Variants in PPP1R9A observed in about 807,000 individuals in gnomAD.
PPP1R9A encodes protein phosphatase 1 regulatory subunit 9A.
In PPP1R9A, 59 loss-of-function variants were observed where a neutral mutation model predicts 141.9. The ratio of observed to expected loss-of-function variants is 0.42; its 90% CI spans 0.34 to 0.52. The LOEUF (loss-of-function observed/expected upper bound fraction) is 0.52. PPP1R9A is among the 20% of genes least tolerant of loss of function. The pLI is 0.10. For synonymous variants in PPP1R9A, 500 were observed against 569.7 expected (o/e 0.88, Z 1.74); for missense variants, 1,444 against 1,611.9 (o/e 0.90, Z 1.78).
chr7:95,095,026 A>G (rs1208121894), intron 2 of PPP1R9A, among the ~76,000 whole-genome samples: 2 of 152,100 alleles, frequency 1.3e-5, no homozygotes, highest in Non-Finnish European at 2.9e-5. Flanking sequence ...TTGTCCTCAA[A>G]CATGAGAAAC....
intron 2 of PPP1R9A, among the ~76,000 whole-genome samples, chr7:95,017,188 A>G (rs1805227113): frequency 1.3e-5 from 2 of 152,154 alleles, no homozygotes; most frequent in South Asian, 4.1e-4. Context: ...CTAGAACTGC[A>G]AGATAATAAA....
At position 95,084,000 on chromosome 7, in the gene PPP1R9A, A is replaced by G. The variant is rs186294878; in HGVS notation, c.1396-27259A>G. On this transcript the variant is annotated intron_variant, in intron 2 of 19. Coordinates refer to ENST00000433360, the MANE Select transcript of PPP1R9A (RefSeq NM_001166160.2). ...ACATTGCACAGAAAGGAATAAAAAT[A>G]AAGACGACAGCAGATTTCTTATCAG... Among the ~76,000 whole-genome samples the G allele has an allele frequency of 1.6e-4, 24 of 152,214 alleles. No homozygotes were observed. In the East Asian group the frequency reaches 4.2e-3, roughly 27 times the overall value.
At chr7:95,015,281 T>C (rs1804955065) in intron 2 of PPP1R9A, among the ~76,000 whole-genome samples, 1 of 151,932 alleles carries the variant, frequency 6.6e-6, no homozygotes, top group Admixed American at 6.6e-5. Flanking sequence ...TATATATCTG[T>C]TTCTGTGTTG....
At chr7:95,159,369 C>T (rs1314560498) in intron 4 of PPP1R9A, among the ~76,000 whole-genome samples, 1 of 152,004 alleles carries the variant, frequency 6.6e-6, no homozygotes, top group Non-Finnish European at 1.5e-5. Flanking sequence ...TATATAGATC[C>T]TGTTTCAAAA....
chr7:95,058,968 T>G (rs1455471135), intron 2 of PPP1R9A, among the ~76,000 whole-genome samples: 1 of 152,074 alleles, frequency 6.6e-6, no homozygotes, highest in Non-Finnish European at 1.5e-5. Context: ...TTTTGTATTT[T>G]TAGTGGAGAC....
At chr7:95,017,645 A>G (rs1805292387) in intron 2 of PPP1R9A, among the ~76,000 whole-genome samples, 1 of 152,210 alleles carries the variant, frequency 6.6e-6, no homozygotes, top group Non-Finnish European at 1.5e-5. Context: ...AGGACCTGGA[A>G]TAACCAAAGA....
chr7:95,149,971 T>C (rs1828353751), intron 4 of PPP1R9A, among the ~76,000 whole-genome samples: 2 of 152,048 alleles, frequency 1.3e-5, no homozygotes, highest in Admixed American at 1.3e-4. Flanking sequence ...AAAGCTTCAG[T>C]AATCAAGACT....
rs796251243 is a variant in PPP1R9A, at chr7:95,024,018, T to A, written c.1396-87241T>A. On this transcript the variant is annotated intron_variant, in intron 2 of 19. Coordinates refer to ENST00000433360, the MANE Select transcript of PPP1R9A (RefSeq NM_001166160.2). ...TTTTCATTGGTTTCGAAGAAATGTT[T>A]TCTGCCCTAATTTCTTTGTTTACCC... Among the ~76,000 whole-genome samples, 149 of 152,332 alleles carry A rather than the reference T, an allele frequency of 9.8e-4. 1 individual carries two copies. Among genetic ancestry groups the A allele is most frequent in the African/African-American group, 3.4e-3 (143 of 41,578 alleles).
chr7:95,286,353 G>C (rs767576579), intron 18 of PPP1R9A, 28 bp downstream of exon 18: 3 of 1,608,702 alleles, frequency 1.9e-6, no homozygotes, highest in Admixed American at 1.7e-5. Flanking sequence ...TGACAGAGCT[G>C]CTTTGTCAAA....
In PPP1R9A at chr7:95,069,444, AAGG is replaced by A. The variant is rs200388815; in HGVS notation, c.1396-41809_1396-41807del. Among the ~76,000 whole-genome samples the A allele has an allele frequency of 7.4e-4, 112 of 152,134 alleles. 2 individuals carry two copies. In the East Asian group the frequency reaches 0.018, roughly 25 times the overall value. ...GGGCAGTTAAAATGGAAGGAGAGGGAAGGAGGAGTATAGGTTGGGTTTGAAGTA... is the reference window on the plus strand; with the variant it reads ...GGGCAGTTAAAATGGAAGGAGAGGGAAGGAGTATAGGTTGGGTTTGAAGTA... On this transcript the variant is annotated intron_variant, in intron 2 of 19. Transcript: ENST00000433360.
intron 8 of PPP1R9A, among the ~76,000 whole-genome samples, chr7:95,233,541 A>G (rs929345242): frequency 1.3e-5 from 2 of 151,980 alleles, no homozygotes; most frequent in Admixed American, 6.6e-5. Context: ...AATGTAAAAA[A>G]TTGCCAACAA....
intron 2 of PPP1R9A, among the ~76,000 whole-genome samples, chr7:94,995,204 A>C (rs2151465292): frequency 6.6e-6 from 1 of 152,158 alleles, no homozygotes; most frequent in Non-Finnish European, 1.5e-5. Flanking sequence ...ATGGCCTCTC[A>C]TCCTCATCTT....
chr7:95,173,465 A>AT (rs1215140300), intron 5 of PPP1R9A, among the ~76,000 whole-genome samples: 1 of 151,956 alleles, frequency 6.6e-6, no homozygotes. Flanking sequence ...CAATTTAAAA[A>AT]TTTTTTTAGG....
At chr7:94,978,304 A>C (rs1389557656) in intron 2 of PPP1R9A, among the ~76,000 whole-genome samples, 1 of 152,246 alleles carries the variant, frequency 6.6e-6, no homozygotes, top group Non-Finnish European at 1.5e-5. Flanking sequence ...AATTATGGCT[A>C]TCTACTAAAT....
chr7:95,111,703 C>T (rs1426140700), intron 3 of PPP1R9A, among the ~76,000 whole-genome samples: 2 of 152,054 alleles, frequency 1.3e-5, no homozygotes, highest in African/African-American at 2.4e-5. Flanking sequence ...CCAGAAAGAG[C>T]TGGTATATGA....
chr7:95,230,510 A>G (rs1364672094), intron 8 of PPP1R9A, among the ~76,000 whole-genome samples: 1 of 152,088 alleles, frequency 6.6e-6, no homozygotes, highest in African/African-American at 2.4e-5. Flanking sequence ...CACAAATGCA[A>G]AATGCACTGG....
chr7:95,251,878 A>G lies in PPP1R9A; in HGVS notation c.2493+20A>G. 1.2e-6 allele frequency: 2 copies of G among 1,612,124 alleles called. No homozygotes were observed. The highest frequency in any genetic ancestry group is 2.2e-5 in the South Asian group (2 of 90,786). ...GTGCGGGTAAGTTGTGTTCCCTAAG[A>G]CACTAAATAATAAGATGGTTTTGCT... On this transcript the variant is annotated intron_variant, in intron 11 of 19. Transcript: ENST00000433360.
chr7:95,159,631 A>G (rs1177396854), intron 4 of PPP1R9A, among the ~76,000 whole-genome samples: 1 of 152,132 alleles, frequency 6.6e-6, no homozygotes, highest in African/African-American at 2.4e-5. Flanking sequence ...CTTTAGAAAA[A>G]ATATGACTCG....
chr7:95,073,937 AT>A (rs199744830), intron 2 of PPP1R9A, among the ~76,000 whole-genome samples: 3,690 of 152,210 alleles, frequency 0.024, 164 homozygotes, highest in African/African-American at 0.085. Context: ...CACACACGCT[AT>A]TAGGCAACAT....
Sources: allele counts gnomAD v4.1 joint callset (sites outside exome capture counted in the v4.1 genomes callset), GRCh38; gene constraint gnomAD v4.1.1; transcripts MANE v1.5; gene names NCBI Gene and HGNC (gene_info 2026-07-23, HGNC 2026-07-21).